WDR70: variants seen among roughly 807,000 people sequenced by gnomAD.
WDR70 encodes the protein WD repeat domain 70.
A neutral mutation model predicts 88.6 loss-of-function variants in WDR70; 53 were observed. That is an observed-to-expected ratio of 0.60 (90% CI 0.48 to 0.75). WDR70 has a LOEUF of 0.75. WDR70 is among the 30% of genes least tolerant of loss of function. WDR70 has a pLI of 0.00. For synonymous variants in WDR70, 280 were observed against 270.0 expected, an observed-to-expected ratio of 1.04 and a Z score of -0.36; for missense variants, 610 against 823.2, an observed-to-expected ratio of 0.74 and a Z score of 3.17.
chr5:37,616,266 G>A (rs557792104), intron 10 of WDR70, among the ~76,000 whole-genome samples: 8 of 151,964 alleles, frequency 5.3e-5, no homozygotes, highest in Non-Finnish European at 1.0e-4. Flanking sequence ...ACAGTCGCGC[G>A]CCACCATGCC....
chr5:37,661,397 A>G (rs1392038755), intron 10 of WDR70, among the ~76,000 whole-genome samples: 1 of 152,162 alleles, frequency 6.6e-6, no homozygotes, highest in Non-Finnish European at 1.5e-5. Context: ...CCTATATCGA[A>G]ATGTAGTATC....
At chr5:37,609,360 AC>A (rs1192482714) in intron 10 of WDR70, among the ~76,000 whole-genome samples, 1 of 152,214 alleles carries the variant, frequency 6.6e-6, no homozygotes, top group Non-Finnish European at 1.5e-5. Context: ...TCATATCAAA[AC>A]ACCTATCAGA....
chr5:37,746,753 G>C (rs1748648922), intron 17 of WDR70, among the ~76,000 whole-genome samples: 1 of 152,118 alleles, frequency 6.6e-6, no homozygotes, highest in African/African-American at 2.4e-5. Flanking sequence ...CCAATAACAA[G>C]TTCTGAAATT....
intron 8 of WDR70, among the ~76,000 whole-genome samples, chr5:37,513,366 G>A (rs1212239924): frequency 6.6e-6 from 1 of 152,124 alleles, no homozygotes; most frequent in African/African-American, 2.4e-5. Context: ...TCCAGCGTAG[G>A]GAAAGCATAT....
chr5:37,742,279 T>TC (rs1748506108), intron 17 of WDR70, among the ~76,000 whole-genome samples: 8 of 147,196 alleles, frequency 5.4e-5, no homozygotes, highest in African/African-American at 1.6e-4. Flanking sequence ...TTTTTTTTTT[T>TC]CAACAGTAGC....
intron 10 of WDR70, among the ~76,000 whole-genome samples, chr5:37,644,861 C>CT (rs1322970857): frequency 6.6e-6 from 1 of 151,504 alleles, no homozygotes; most frequent in Non-Finnish European, 1.5e-5. Context: ...GGTCTTCTGT[C>CT]TTTTTTTGTT....
chr5:37,695,071 A>G (rs1305067019), intron 10 of WDR70, among the ~76,000 whole-genome samples: 3 of 152,154 alleles, frequency 2.0e-5, no homozygotes, highest in Non-Finnish European at 4.4e-5. Flanking sequence ...TGATGCTGGC[A>G]TCTGGTTGGC....
intron 17 of WDR70, among the ~76,000 whole-genome samples, chr5:37,727,851 C>T (rs935502704): frequency 1.4e-4 from 22 of 152,138 alleles, no homozygotes; most frequent in Non-Finnish European, 2.6e-4. Flanking sequence ...GCTCGGATTA[C>T]AGGCATGAGC....
chr5:37,648,349 C>G (rs563433270), intron 10 of WDR70, among the ~76,000 whole-genome samples: 1 of 152,188 alleles, frequency 6.6e-6, no homozygotes, highest in South Asian at 2.1e-4. Context: ...CTGAAAGACA[C>G]CATACCATGT....
At chr5:37,691,445 G>A (rs1746791832) in intron 10 of WDR70, among the ~76,000 whole-genome samples, 1 of 152,104 alleles carries the variant, frequency 6.6e-6, no homozygotes, top group South Asian at 2.1e-4. Flanking sequence ...TTCCAAAATT[G>A]ACCACATAGT....
At chr5:37,506,834 T>G (rs1740574912) in intron 8 of WDR70, 1 of 1,289,868 alleles carries the variant, frequency 7.8e-7, no homozygotes, top group Admixed American at 1.7e-5. Flanking sequence ...GGGCTGCTGT[T>G]CAGGAACAGG....
intron 8 of WDR70, among the ~76,000 whole-genome samples, chr5:37,490,687 CG>C (rs917568598): frequency 2.0e-5 from 3 of 150,232 alleles, no homozygotes; most frequent in African/African-American, 7.3e-5. Context: ...GCTTTGTTGC[CG>C]GGGGTAGGTG....
Position 37,752,486 on chromosome 5 carries a change from G to T in WDR70, c.1878G>T (p.Lys626Asn). The part of the protein sequence containing the change: ...SPYWVSPAYS[K>N]TQPKTMFAQV... ...TTCTCTTCTTTAACTTTTCTTTTAG[G>T]ACTCAGCCCAAAACCATGTTTGCCC... Residue 626 changes from lysine to asparagine, a missense_variant and splice_region_variant, in exon 18 of 18, where the codon AAG (lysine) becomes AAT (asparagine). By Grantham distance (94) the Lys-to-Asn change is moderately conservative (BLOSUM62 0). Coordinates refer to ENST00000265107, the MANE Select transcript of WDR70 (RefSeq NM_018034.4). The T allele has an allele frequency of 6.2e-7, 1 of 1,606,074 alleles. No individual in the cohort carries two copies. Among genetic ancestry groups the T allele is most frequent in the Non-Finnish European group, 8.5e-7 (1 of 1,177,380 alleles).
chr5:37,630,789 G>A (rs112777841), intron 10 of WDR70, among the ~76,000 whole-genome samples: 24 of 152,314 alleles, frequency 1.6e-4, no homozygotes, highest in African/African-American at 5.5e-4. Context: ...GGCTCCCTGA[G>A]CAAGGAGCAT....
chr5:37,680,053 C>T (rs1746379018), intron 10 of WDR70, among the ~76,000 whole-genome samples: 1 of 152,196 alleles, frequency 6.6e-6, no homozygotes, highest in Non-Finnish European at 1.5e-5. Flanking sequence ...ACCTTGCCAG[C>T]ATCGGCTGTT....
chr5:37,599,848 G>A (rs751064367), intron 9 of WDR70, among the ~76,000 whole-genome samples: 1 of 151,384 alleles, frequency 6.6e-6, no homozygotes, highest in African/African-American at 2.4e-5. Flanking sequence ...AGCCGAGATC[G>A]TCCTGCTGTA....
Position 37,449,590 on chromosome 5 carries a change from CAAAAAAAAAAAAATAA to C in WDR70, c.686+6223_686+6238del, listed in dbSNP as rs1215818141. Among the ~76,000 whole-genome samples, 55 of 85,728 alleles carry C rather than the reference CAAAAAAAAAAAAATAA, an allele frequency of 6.4e-4. 1 individual carries two copies. The highest frequency in any genetic ancestry group is 5.9e-3 in the Admixed American group (48 of 8,198). 56.2% of individuals were successfully genotyped at this position (85,728 alleles called of 152,430 possible). The stretch of plus-strand genomic sequence containing the variant: ...CTGGGCAACGAGTGAAATTTTGTCT[CAAAAAAAAAAAAATAA>C]AAAATAAAAAATAAATAAATAAATA... On this transcript the variant is annotated intron_variant, in intron 7 of 17. Transcript: ENST00000265107.
At position 37,701,063 on chromosome 5, in the gene WDR70, G is replaced by C. The variant is rs575834539; in HGVS notation, c.1198G>C (p.Asp400His). ...TCCCCTCATTCCTCTGTCAGGTGAC[G>C]ATTCATTAAAATTATGGGACATCCG... ...GNVLASRGGD[D>H]SLKLWDIRQF... is the part of the protein sequence containing the mutation. Residue 400 changes from aspartate to histidine, a missense_variant, in exon 12 of 18, where the codon GAT becomes CAT. Physicochemically the swap from Asp to His is moderately conservative, Grantham distance 81. Around this residue, in one of 4 missense-constraint regions of WDR70, gnomAD observed 254 missense variants for 300.7 expected, o/e 0.84. Transcript: ENST00000265107. 4 of 1,607,112 alleles carry C rather than the reference G, an allele frequency of 2.5e-6. No homozygotes were observed. Among genetic ancestry groups the C allele is most frequent in the Non-Finnish European group, 3.4e-6 (4 of 1,174,322 alleles).
chr5:37,382,080 G>T (rs899351248), intron 3 of WDR70, among the ~76,000 whole-genome samples: 6 of 150,958 alleles, frequency 4.0e-5, no homozygotes, highest in Admixed American at 1.3e-4. Flanking sequence ...AAAGAATGTT[G>T]TTATGCTACT....
Sources: gnomAD v4.1 joint callset for allele counts (sites outside exome capture counted in the v4.1 genomes callset) on GRCh38, gnomAD v4.1.1 for gene constraint, gnomAD v4.1.1 regional missense constraint, MANE v1.5 for transcripts, NCBI Gene and HGNC (gene_info 2026-07-23, HGNC 2026-07-21) for gene names.